Variants in RALGPS1 observed in about 807,000 individuals in gnomAD.
RALGPS1 encodes the protein ras-specific guanine nucleotide-releasing factor RalGPS1.
In RALGPS1, 19 loss-of-function variants were observed where a neutral mutation model predicts 78.8. The ratio of observed to expected loss-of-function variants is 0.24; its 90% CI spans 0.17 to 0.35. The LOEUF is 0.35. Among genes scored for constraint, RALGPS1 ranks in the 10% least tolerant of loss-of-function variants. The pLI is 1.00. For missense variants in RALGPS1, 454 were observed against 688.3 expected, an observed-to-expected ratio of 0.66 and a Z score of 3.81; for synonymous variants, 228 against 256.3, an observed-to-expected ratio of 0.89 and a Z score of 1.06.
intron 8 of RALGPS1, among the ~76,000 whole-genome samples, chr9:127,143,969 G>T (rs1196972448): frequency 6.6e-6 from 1 of 152,258 alleles, no homozygotes; most frequent in Non-Finnish European, 1.5e-5. Flanking sequence ...AAGCACAGCA[G>T]AGGATGGATT....
chr9:127,155,073 T>C (rs2058637800), intron 8 of RALGPS1, among the ~76,000 whole-genome samples: 1 of 152,230 alleles, frequency 6.6e-6, no homozygotes, highest in African/African-American at 2.4e-5. Context: ...AGTATTTAGC[T>C]TGCGGATACC....
At chr9:126,968,916 T>G (rs956112442) in intron 3 of RALGPS1, among the ~76,000 whole-genome samples, 8 of 152,038 alleles carry the variant, frequency 5.3e-5, no homozygotes, top group Non-Finnish European at 8.8e-5. Flanking sequence ...GACGTGGTGG[T>G]GCATGCCTGT....
At chr9:127,128,784 C>G (rs534738851) in intron 8 of RALGPS1, among the ~76,000 whole-genome samples, 18 of 152,308 alleles carry the variant, frequency 1.2e-4, no homozygotes, top group African/African-American at 4.3e-4. Flanking sequence ...GAGACTTGGA[C>G]TTGTGGGACG....
intron 1 of RALGPS1, among the ~76,000 whole-genome samples, chr9:126,918,340 T>A (rs11788665): frequency 0.38 from 57,380 of 152,128 alleles, 12,641 homozygotes; most frequent in Non-Finnish European, 0.48. Flanking sequence ...GAATATCGTT[T>A]AAAACTTTTT....
chr9:127,062,343 C>T (rs946617341), intron 7 of RALGPS1, among the ~76,000 whole-genome samples: 33 of 152,160 alleles, frequency 2.2e-4, no homozygotes, highest in African/African-American at 7.7e-4. Flanking sequence ...TGTGATCCAC[C>T]CACCTCAGCC....
At chr9:127,017,998 C>A (rs973455250) in intron 4 of RALGPS1, among the ~76,000 whole-genome samples, 8 of 152,190 alleles carry the variant, frequency 5.3e-5, no homozygotes, top group African/African-American at 1.9e-4. Flanking sequence ...AGGTGGATCA[C>A]CTGAGGTCAG....
At chr9:127,034,541 A>G (rs567087989) in intron 5 of RALGPS1, 27 bp downstream of exon 5, 2 of 1,595,838 alleles carry the variant, frequency 1.3e-6, no homozygotes, top group Non-Finnish European at 1.7e-6. Flanking sequence ...GCATGTGCCT[A>G]TCCAGAGAGC....
In RALGPS1 at chr9:127,116,868, A is replaced by AG. The variant is rs139108620; in HGVS notation, c.610+47516dup. On this transcript the variant is annotated intron_variant, in intron 8 of 18. Coordinates refer to ENST00000259351, the MANE Select transcript of RALGPS1 (RefSeq NM_014636.3). Reference sequence around the variant, plus strand: ...AGGTAAGGGATGAAGCCACTTGTCCAGGGGCACAGTGCTACCAAGTGGTGG... The same window carrying AG: ...AGGTAAGGGATGAAGCCACTTGTCCAGGGGGCACAGTGCTACCAAGTGGTGG... 8.7e-3 allele frequency among the ~76,000 whole-genome samples: 1,324 copies of AG among 152,336 alleles called. 26 individuals carry two copies. The highest frequency in any genetic ancestry group is 0.03 in the African/African-American group (1,250 of 41,580).
chr9:126,957,653 A>C (rs1171573103), intron 1 of RALGPS1, among the ~76,000 whole-genome samples: 1 of 152,108 alleles, frequency 6.6e-6, no homozygotes, highest in Non-Finnish European at 1.5e-5. Context: ...TTGAATCTTG[A>C]GATGGATTTA....
intron 10 of RALGPS1, among the ~76,000 whole-genome samples, chr9:127,172,701 C>G (rs1470004715): frequency 6.6e-6 from 1 of 152,088 alleles, no homozygotes; most frequent in Non-Finnish European, 1.5e-5. Flanking sequence ...GATTTGTTCC[C>G]CCTAGGTCTT....
chr9:127,095,977 C>T (rs1332112529), intron 8 of RALGPS1, among the ~76,000 whole-genome samples: 2 of 152,196 alleles, frequency 1.3e-5, no homozygotes, highest in Non-Finnish European at 1.5e-5. Context: ...TGACACTTAA[C>T]TCAGGGGCTT....
intron 8 of RALGPS1, among the ~76,000 whole-genome samples, chr9:127,138,574 T>C (rs2057555732): frequency 6.6e-6 from 1 of 152,016 alleles, no homozygotes; most frequent in Admixed American, 6.5e-5. Context: ...ACATACTCTA[T>C]AGAAGAAACT....
chr9:127,103,802 T>C (rs2053963073), intron 8 of RALGPS1, among the ~76,000 whole-genome samples: 1 of 152,172 alleles, frequency 6.6e-6, no homozygotes, highest in Admixed American at 6.5e-5. Context: ...GAAGTAGAGA[T>C]AGAAGGTCAG....
At chr9:127,008,688 C>A (rs2044079228) in intron 4 of RALGPS1, among the ~76,000 whole-genome samples, 1 of 152,188 alleles carries the variant, frequency 6.6e-6, no homozygotes, top group African/African-American at 2.4e-5. Context: ...GGTTTGAGAT[C>A]CTGCTCTACC....
At chr9:127,188,289 C>T (rs1050311365) in intron 11 of RALGPS1, among the ~76,000 whole-genome samples, 38 of 152,018 alleles carry the variant, frequency 2.5e-4, no homozygotes, top group African/African-American at 8.9e-4. Context: ...GTCTCAAACT[C>T]CTGACCTCGT....
intron 8 of RALGPS1, among the ~76,000 whole-genome samples, chr9:127,110,476 A>T (rs896509703): frequency 6.6e-6 from 1 of 152,152 alleles, no homozygotes; most frequent in Non-Finnish European, 1.5e-5. Context: ...TAGTCATCTC[A>T]TCCAGAGGTC....
chr9:126,962,406 G>A lies in RALGPS1; in HGVS notation c.57+60G>A, dbSNP rs1404033188. The stretch of plus-strand genomic sequence containing the variant: ...AGGGGTCTCCTTTCAGCTAACCCAG[G>A]CCCCAGCTGAGCCTTGGACAGCGAG... On this transcript the variant is annotated intron_variant, in intron 2 of 18. Transcript: ENST00000259351. The A allele has an allele frequency of 1.2e-5, 18 of 1,561,746 alleles. No homozygotes were observed. In the Admixed American group the frequency reaches 2.7e-4, roughly 23 times the overall value.
intron 5 of RALGPS1, among the ~76,000 whole-genome samples, chr9:127,045,881 A>G (rs529658273): frequency 6.6e-6 from 1 of 152,060 alleles, no homozygotes; most frequent in Non-Finnish European, 1.5e-5. Context: ...GTTTTGTGCT[A>G]ATCTTGGTTT....
intron 8 of RALGPS1, among the ~76,000 whole-genome samples, chr9:127,146,833 C>T (rs1005667828): frequency 3.9e-5 from 6 of 152,254 alleles, no homozygotes; most frequent in African/African-American, 7.2e-5. Context: ...TGTGAGCCAC[C>T]GCACCCAGCC....
Sources: gnomAD v4.1 joint callset for allele counts (sites outside exome capture counted in the v4.1 genomes callset) on GRCh38, gnomAD v4.1.1 for gene constraint, MANE v1.5 for transcripts, NCBI Gene and HGNC (gene_info 2026-07-23, HGNC 2026-07-21) for gene names.